Variants in SSMEM1 observed in about 807,000 individuals in gnomAD.
The protein encoded by SSMEM1 is serine rich single-pass membrane protein 1, also known as serine-rich single-pass membrane protein 1.
In SSMEM1, 12 loss-of-function variants were observed where a neutral mutation model predicts 9.9. That is an observed-to-expected ratio of 1.21 (90% CI 0.78 to 1.96). SSMEM1 has a LOEUF of 1.96. SSMEM1 is among the 30% of genes most tolerant of loss of function. The pLI is 0.00. For missense variants in SSMEM1, 259 were observed against 292.2 expected (o/e 0.89, Z 0.83); for synonymous variants, 96 against 98.9 (o/e 0.97, Z 0.17).
intron 1 of SSMEM1, among the ~76,000 whole-genome samples, chr7:130,209,825 G>A (rs1449257892): frequency 2.0e-5 from 3 of 152,226 alleles, no homozygotes; most frequent in East Asian, 1.9e-4. Context: ...TGATCCACCC[G>A]CCTCGGCCTC....
chr7:130,214,186 CAGG>C (rs2117063159), intron 2 of SSMEM1, among the ~76,000 whole-genome samples: 1 of 152,258 alleles, frequency 6.6e-6, no homozygotes, highest in East Asian at 1.9e-4. Flanking sequence ...GAGGCTGAAG[CAGG>C]AGAACTGCTT....
At chr7:130,209,216 C>T (rs1798545725) in intron 1 of SSMEM1, among the ~76,000 whole-genome samples, 1 of 152,162 alleles carries the variant, frequency 6.6e-6, no homozygotes, top group Non-Finnish European at 1.5e-5. Flanking sequence ...CCATTAATAC[C>T]AGGCTGATGA....
upstream of SSMEM1, chr7:130,205,510 A>C: frequency 7.0e-7 from 1 of 1,419,886 alleles, no homozygotes; most frequent in Non-Finnish European, 9.9e-7. Flanking sequence ...CGAGAAAGGG[A>C]GGGGTCGCAG....
upstream of SSMEM1, among the ~76,000 whole-genome samples, chr7:130,206,344 G>T (rs993130910): frequency 6.6e-6 from 1 of 152,196 alleles, no homozygotes; most frequent in South Asian, 2.1e-4. Flanking sequence ...GCTCTCGCGA[G>T]CTTCCTGGAG....
In SSMEM1 at chr7:130,216,205, C is replaced by T. The variant is rs763661744; in HGVS notation, c.470C>T (p.Ser157Leu). ...GAGTATGGCAGTGAAGAGTCTAACT[C>T]AGAAGCCTCCTCGTGGAAGGAGAGT... ...TTEYGSEESN[S>L]EASSWKESES... Residue 157 changes from serine (S) to leucine (L), a missense_variant, in exon 3 of 3, where the codon TCA (serine) becomes TTA (leucine). Transcript: ENST00000297819. 2 of 1,614,166 alleles carry T rather than the reference C, an allele frequency of 1.2e-6. No individual in the cohort carries two copies. Among genetic ancestry groups the T allele is most frequent in the South Asian group, 2.2e-5 (2 of 91,074 alleles).
chr7:130,213,691 C>T (rs2727840), intron 2 of SSMEM1, among the ~76,000 whole-genome samples, 157 bp downstream of exon 2: 1 of 79,398 alleles, frequency 1.3e-5, no homozygotes, highest in Non-Finnish European at 2.3e-5. Context: ...AGACCCAGTA[C>T]CAAAAAAAAA....
At chr7:130,212,204 G>C (rs1584712806) in intron 1 of SSMEM1, among the ~76,000 whole-genome samples, 2 of 152,202 alleles carry the variant, frequency 1.3e-5, no homozygotes, top group East Asian at 3.8e-4. Flanking sequence ...TATATTTATG[G>C]AGTATTGGGG....
At position 130,208,072 on chromosome 7, in the gene SSMEM1, C is replaced by A; in HGVS notation, c.162C>A (p.Phe54Leu). 6.2e-7 allele frequency: 1 copy of A among 1,613,480 alleles called. No individual in the cohort carries two copies. The highest frequency in any genetic ancestry group is 8.5e-7 in the Non-Finnish European group (1 of 1,179,746). ...WYFVIVFVLM[F>L]FSRASVWMSE... Reference sequence around the variant, plus strand: ...TTGTTATCGTATTTGTCCTGATGTTCTTCTCTAGGGCTTCTGTCTGGGTAG... The same window carrying A: ...TTGTTATCGTATTTGTCCTGATGTTATTCTCTAGGGCTTCTGTCTGGGTAG... The change falls in exon 1 of 3, where the codon TTC becomes TTA. Residue 54 changes from phenylalanine to leucine, a missense_variant. Physicochemically the swap from Phe to Leu is conservative, Grantham distance 22. Transcript: ENST00000297819.
intron 1 of SSMEM1, among the ~76,000 whole-genome samples, chr7:130,212,094 T>C (rs2117058665): frequency 6.6e-6 from 1 of 152,344 alleles, no homozygotes; most frequent in Admixed American, 6.5e-5. Context: ...AAATTTCTAG[T>C]TTTTGTTATT....
chr7:130,212,935 A>G (rs116249098), intron 1 of SSMEM1, among the ~76,000 whole-genome samples: 3 of 152,296 alleles, frequency 2.0e-5, no homozygotes, highest in African/African-American at 7.2e-5. Context: ...AGATGCTGCT[A>G]TCAAAGCATA....
At chr7:130,209,152 C>T (rs768666847) in intron 1 of SSMEM1, among the ~76,000 whole-genome samples, 5 of 152,110 alleles carry the variant, frequency 3.3e-5, no homozygotes, top group Admixed American at 1.3e-4. Context: ...CATGAGCCAC[C>T]GCGCCCAGCC....
intron 1 of SSMEM1, among the ~76,000 whole-genome samples, chr7:130,209,898 G>A (rs2117055774): frequency 6.6e-6 from 1 of 152,222 alleles, no homozygotes; most frequent in East Asian, 1.9e-4. Context: ...TATTTTTTCT[G>A]CTCCCTTGCT....
At chr7:130,212,800 T>A (rs1024837738) in intron 1 of SSMEM1, among the ~76,000 whole-genome samples, 1 of 152,090 alleles carries the variant, frequency 6.6e-6, no homozygotes, top group Non-Finnish European at 1.5e-5. Context: ...TACTATCAAA[T>A]TTTTTAAAAA....
upstream of SSMEM1, chr7:130,207,700 GA>G (rs772799267): frequency 3.0e-6 from 2 of 676,120 alleles, no homozygotes; most frequent in Non-Finnish European, 5.4e-6. Context: ...AGGTATGGGG[GA>G]AAATAACATA....
At chr7:130,213,710 A>AAAAAAAG (rs1562906803) in intron 2 of SSMEM1, among the ~76,000 whole-genome samples, 176 bp downstream of exon 2, 695 of 119,122 alleles carry the variant, frequency 5.8e-3, no homozygotes, top group Non-Finnish European at 8.6e-3. Context: ...AAAAAAAAAA[A>AAAAAAAG]AAAAGAAAAG....
upstream of SSMEM1, chr7:130,205,468 A>C: frequency 6.3e-7 from 1 of 1,595,734 alleles, no homozygotes; most frequent in Non-Finnish European, 8.6e-7. Flanking sequence ...GCGGCTCTAA[A>C]GTTACCGGAA....
intron 2 of SSMEM1, among the ~76,000 whole-genome samples, chr7:130,215,094 G>C (rs1798678311): frequency 6.6e-6 from 1 of 152,204 alleles, no homozygotes; most frequent in Non-Finnish European, 1.5e-5. Flanking sequence ...CCTGAGGTCA[G>C]GAGTTCGAGA....
At chr7:130,213,067 G>C (rs1257955461) in intron 1 of SSMEM1, among the ~76,000 whole-genome samples, 1 of 152,168 alleles carries the variant, frequency 6.6e-6, no homozygotes, top group South Asian at 2.1e-4. Context: ...ACATTGTCAG[G>C]CCAGGCCCAG....
At position 130,207,966 on chromosome 7, in the gene SSMEM1, A is replaced by G; in HGVS notation, c.56A>G (p.Asn19Ser). 6.2e-7 allele frequency: 1 copy of G among 1,613,970 alleles called. No homozygotes were observed. The highest frequency in any genetic ancestry group is 1.1e-5 in the South Asian group (1 of 91,066). The stretch of plus-strand genomic sequence containing the variant: ...GTAGATCCTCCCCCAATACCTGTAA[A>G]TTGTGCCATTCCAAATCAGGATTAT... ...WEVDPPPIPV[N>S]CAIPNQDYEC... is the part of the protein sequence containing the mutation. Residue 19 changes from asparagine (N) to serine (S), a missense_variant, in exon 1 of 3, where the codon AAT becomes AGT. Asn to Ser is a conservative substitution (Grantham distance 46). Coordinates refer to ENST00000297819, the MANE Select transcript of SSMEM1 (RefSeq NM_145268.4).
Sources: allele counts gnomAD v4.1 joint callset (sites outside exome capture counted in the v4.1 genomes callset), GRCh38; gene constraint gnomAD v4.1.1; transcripts MANE v1.5; gene names NCBI Gene and HGNC (gene_info 2026-07-23, HGNC 2026-07-21).